Variants in ABR observed in about 807,000 individuals in gnomAD.
ABR encodes active breakpoint cluster region-related protein.
A neutral mutation model predicts 107.2 loss-of-function variants in ABR; 35 were observed. That is an observed-to-expected ratio of 0.33 (90% CI 0.25 to 0.43). The LOEUF (loss-of-function observed/expected upper bound fraction) is 0.43. ABR is among the 20% of genes least tolerant of loss of function. The probability of loss-of-function intolerance (pLI) is 1.00; values close to 1 mark genes in which losing one functional copy is unlikely to be tolerated. For missense variants in ABR, 815 were observed against 1,115.2 expected (o/e 0.73, Z 3.83); for synonymous variants, 498 against 462.0 (o/e 1.08, Z -1.00).
intron 1 of ABR, among the ~76,000 whole-genome samples, chr17:1,199,780 G>GA (rs1567886243): frequency 6.7e-6 from 1 of 148,716 alleles, no homozygotes; most frequent in African/African-American, 2.5e-5. Context: ...AGTTTATTCA[G>GA]TTTTTTTTTT....
At position 1,031,506 on chromosome 17, in the gene ABR, G is replaced by A. The variant is rs566082831; in HGVS notation, c.1792-18342C>T. On this transcript the variant is annotated intron_variant, in intron 16 of 22. Coordinates refer to ENST00000302538, the MANE Select transcript of ABR (RefSeq NM_021962.5). ...GACTCCACGGAGGGGGCGGGAGCGGGACCCCATCAGCCCCCGCAGCCCCCG... is the reference window on the plus strand; with the variant it reads ...GACTCCACGGAGGGGGCGGGAGCGGAACCCCATCAGCCCCCGCAGCCCCCG... 2.3e-3 allele frequency: 1,776 copies of A among 761,932 alleles called. 39 individuals are homozygous for A. In the African/African-American group the frequency reaches 0.03, roughly 13 times the overall value. 47.2% of individuals were successfully genotyped at this position (761,932 alleles called of 1,614,324 possible). A position where few individuals can be genotyped will look rare whatever the true frequency, so the allele number is the denominator to read the frequency against.
chr17:1,149,457 C>T (rs2040708100), intron 1 of ABR, among the ~76,000 whole-genome samples: 1 of 133,188 alleles, frequency 7.5e-6, no homozygotes, highest in Admixed American at 7.5e-5. Flanking sequence ...CAGAATCTCA[C>T]TCTGTCACCC....
chr17:1,060,973 C>T (rs1160747258), intron 10 of ABR, among the ~76,000 whole-genome samples: 1 of 151,976 alleles, frequency 6.6e-6, no homozygotes, highest in African/African-American at 2.4e-5. Flanking sequence ...GCCTGGGCGA[C>T]AGTGACAAAG....
chr17:1,114,218 C>G (rs1029167114), intron 2 of ABR, among the ~76,000 whole-genome samples: 5 of 150,500 alleles, frequency 3.3e-5, no homozygotes, highest in African/African-American at 7.3e-5. Context: ...CGCCTTTAAT[C>G]CCGCACTTTG....
At chr17:1,075,638 G>A (rs936870956) in intron 6 of ABR, among the ~76,000 whole-genome samples, 1 of 152,312 alleles carries the variant, frequency 6.6e-6, no homozygotes, top group Non-Finnish European at 1.5e-5. Flanking sequence ...AAGACCACAA[G>A]GGCCATCAGC....
rs1331765293 is a variant in ABR, at chr17:1,063,805, T to A, written c.1182+3272A>T. On this transcript the variant is annotated intron_variant, in intron 10 of 22. Coordinates refer to ENST00000302538, the MANE Select transcript of ABR (RefSeq NM_021962.5). Reference sequence around the variant, plus strand: ...GTGAACTGAGGGCTATGCATGTTCCTCTAGACACTGTTGTTACGTGAACTG... The same window carrying A: ...GTGAACTGAGGGCTATGCATGTTCCACTAGACACTGTTGTTACGTGAACTG... Among the ~76,000 whole-genome samples the A allele has an allele frequency of 2.7e-5, 4 of 150,594 alleles. No homozygotes were observed. In the Admixed American group the frequency reaches 2.7e-4, roughly 10 times the overall value.
chr17:1,082,469 TGC>T (rs1294750596), intron 5 of ABR, among the ~76,000 whole-genome samples: 10 of 150,832 alleles, frequency 6.6e-5, no homozygotes, highest in African/African-American at 2.2e-4. Flanking sequence ...GAAGCACGTG[TGC>T]TCCCGGCCAG....
At chr17:1,183,027 G>A (rs767994938), upstream of ABR, among the ~76,000 whole-genome samples, 3 of 152,182 alleles carry the variant, frequency 2.0e-5, no homozygotes, top group Non-Finnish European at 2.9e-5. Flanking sequence ...GAGATCCAAC[G>A]TCACGCGCTG....
In ABR at chr17:1,050,085, T is replaced by A. The variant is rs1409607684; in HGVS notation, c.1756A>T (p.Ile586Phe). The A allele has an allele frequency of 1.9e-6, 3 of 1,613,996 alleles. No individual in the cohort carries two copies. The highest frequency in any genetic ancestry group is 2.5e-6 in the Non-Finnish European group (3 of 1,180,016). Residue 586 changes from isoleucine (I) to phenylalanine (F), a missense_variant, in exon 16 of 23, where the codon ATC (isoleucine) becomes TTC (phenylalanine). Ile to Phe is a conservative substitution (Grantham distance 21, BLOSUM62 0). Coordinates refer to ENST00000302538, the MANE Select transcript of ABR (RefSeq NM_021962.5). This position sits in a 1 kb window ranked among gnomAD's most constrained non-coding sequence, Gnocchi z 4.6. ...CCTTTGCCCATGATCTTGTCCACGA[T>A]CTCATTGTTGTCCTTGTTGACCTTG... ...KTKVNKDNNE[I>F]VDKIMGKGQI...
intron 1 of ABR, among the ~76,000 whole-genome samples, chr17:1,178,527 G>A (rs1365597397): frequency 1.3e-5 from 2 of 150,132 alleles, no homozygotes; most frequent in Non-Finnish European, 2.9e-5. Flanking sequence ...TTGCGCCACT[G>A]CACTCCAGCC....
chr17:1,017,394 G>A (rs1321307743), intron 16 of ABR, among the ~76,000 whole-genome samples: 2 of 151,912 alleles, frequency 1.3e-5, no homozygotes, highest in Non-Finnish European at 2.9e-5. Context: ...ACACAGGGTG[G>A]AGGAATCAAA....
At chr17:1,123,961 G>A (rs1490460327) in intron 2 of ABR, among the ~76,000 whole-genome samples, 2 of 152,076 alleles carry the variant, frequency 1.3e-5, no homozygotes, top group East Asian at 3.9e-4. Context: ...CCCCTCGCCG[G>A]CCCCCTTGCC....
At position 1,050,547 on chromosome 17, in the gene ABR, T is replaced by C. The variant is rs1234928649; in HGVS notation, c.1649A>G (p.Lys550Arg). ...GCCCCTGCCACTCACCTCATCCCAC[T>C]TGGGCTCCGCTGTGTCCCGGAACAC... ...TRVFRDTAEP[K>R]WDEEFEIELE... Residue 550 changes from lysine to arginine, a missense_variant, in exon 15 of 23, where the codon AAG becomes AGG. Coordinates refer to ENST00000302538, the MANE Select transcript of ABR (RefSeq NM_021962.5). This position sits in a 1 kb window ranked among gnomAD's most constrained non-coding sequence, Gnocchi z 4.6. 4 of 1,613,850 alleles carry C rather than the reference T, an allele frequency of 2.5e-6. No homozygotes were observed. Among genetic ancestry groups the C allele is most frequent in the South Asian group, 1.1e-5 (1 of 91,064 alleles).
chr17:1,179,722 C>A lies in ABR; in HGVS notation c.6G>T (p.Glu2Asp). 1 of 1,546,534 alleles carries A rather than the reference C, an allele frequency of 6.5e-7. No individual in the cohort carries two copies. The highest frequency in any genetic ancestry group is 1.4e-5 in the African/African-American group (1 of 70,800). The stretch of plus-strand genomic sequence containing the variant: ...GCGGCAGGCCCCGGTGGCTGAGCGG[C>A]TCCATCCCGCGGCGGCGGCTCGGTC... M[E>D]PLSHRGLPRL... The change falls in exon 1 of 23, where the codon GAG (glutamate) becomes GAT (aspartate). Residue 2 changes from glutamate (E) to aspartate (D), a missense_variant. Glu to Asp is a conservative substitution (Grantham distance 45). Coordinates refer to ENST00000302538, the MANE Select transcript of ABR (RefSeq NM_021962.5). The surrounding 1 kb of genome is among the most constrained non-coding windows in gnomAD (Gnocchi z 4.9).
chr17:1,108,889 G>GCCGGCCCGGCCCCC (rs2038451552), intron 2 of ABR: 1 of 1,537,278 alleles, frequency 6.5e-7, no homozygotes, highest in Non-Finnish European at 8.7e-7. Context: ...CTTCGGCAGC[G>GCCGGCCCGGCCCCC]CCGGCCCGGC....
intron 2 of ABR, among the ~76,000 whole-genome samples, chr17:1,120,639 C>A (rs973622103): frequency 6.6e-6 from 1 of 152,110 alleles, no homozygotes. Flanking sequence ...AGGCTGGAGT[C>A]TAATCCCCTG....
At chr17:1,009,636 G>A (rs1334296513) in intron 21 of ABR, 43 bp downstream of exon 21, 1 of 1,557,370 alleles carries the variant, frequency 6.4e-7, no homozygotes, top group Admixed American at 1.7e-5. Context: ...ACCTTTTCAT[G>A]AGGAGGGACT....
chr17:1,101,212 T>C (rs112487749), intron 2 of ABR: 1,850 of 158,488 alleles, frequency 0.012, 14 homozygotes, highest in Middle Eastern at 0.03. Flanking sequence ...TGACCTCAGG[T>C]GATCCGTCCG....
At chr17:1,095,137 A>G (rs2151312253) in intron 3 of ABR, among the ~76,000 whole-genome samples, 1 of 152,298 alleles carries the variant, frequency 6.6e-6, no homozygotes, top group East Asian at 1.9e-4. Flanking sequence ...GAAATAAGGG[A>G]AGCAGGAAGG....
Sources: allele counts gnomAD v4.1 joint callset (sites outside exome capture counted in the v4.1 genomes callset), GRCh38; gene constraint gnomAD v4.1.1; non-coding constraint Gnocchi (gnomAD v3.1); transcripts MANE v1.5; gene names NCBI Gene and HGNC (gene_info 2026-07-23, HGNC 2026-07-21).